Variants in CLSTN2 observed in about 807,000 individuals in gnomAD.
The protein encoded by CLSTN2 is calsyntenin-2.
In CLSTN2, 48 loss-of-function variants were observed where a neutral mutation model predicts 101.2. The observed-to-expected ratio is 0.47, with a 90% CI of 0.38 to 0.60. The LOEUF (loss-of-function observed/expected upper bound fraction) is 0.60. CLSTN2 is among the 20% of genes least tolerant of loss of function. CLSTN2 has a pLI of 0.00. For synonymous variants in CLSTN2, 481 were observed against 463.6 expected (o/e 1.04, Z -0.48); for missense variants, 1,160 against 1,238.2 (o/e 0.94, Z 0.95).
chr3:139,963,376 C>G (rs539640533), intron 1 of CLSTN2, among the ~76,000 whole-genome samples: 4 of 152,198 alleles, frequency 2.6e-5, no homozygotes, highest in African/African-American at 9.6e-5. Flanking sequence ...ATGATCTAGT[C>G]CTACTTTTCC....
At chr3:140,374,622 A>C (rs2087895443) in intron 2 of CLSTN2, among the ~76,000 whole-genome samples, 1 of 152,244 alleles carries the variant, frequency 6.6e-6, no homozygotes. Context: ...ATAAATTTGA[A>C]ATTTTAATTT....
chr3:140,000,536 G>A (rs1375599900), intron 1 of CLSTN2, among the ~76,000 whole-genome samples: 1 of 152,082 alleles, frequency 6.6e-6, no homozygotes, highest in Admixed American at 6.5e-5. Context: ...CATAAAACAG[G>A]GGTTACCCAA....
intron 2 of CLSTN2, among the ~76,000 whole-genome samples, chr3:140,203,210 G>A (rs1253951114): frequency 6.6e-6 from 1 of 152,180 alleles, no homozygotes; most frequent in Non-Finnish European, 1.5e-5. Context: ...CTGCTGCTAA[G>A]TCAAGTAAGA....
intron 2 of CLSTN2, among the ~76,000 whole-genome samples, chr3:140,273,231 G>A (rs754173132): frequency 5.3e-5 from 8 of 152,092 alleles, no homozygotes; most frequent in Non-Finnish European, 1.0e-4. Context: ...GGCAAGGGCA[G>A]GGAGAGCATT....
chr3:140,098,903 C>G (rs769738368), intron 1 of CLSTN2, among the ~76,000 whole-genome samples: 2 of 152,182 alleles, frequency 1.3e-5, no homozygotes, highest in Non-Finnish European at 2.9e-5. Flanking sequence ...AGTGGAGACA[C>G]TGTCCAGGCC....
At chr3:140,555,597 AT>A (rs1231432445) in intron 10 of CLSTN2, among the ~76,000 whole-genome samples, 1 of 152,226 alleles carries the variant, frequency 6.6e-6, no homozygotes, top group Non-Finnish European at 1.5e-5. Flanking sequence ...CTTAAAAAAA[AT>A]CTATGTCTCC....
chr3:140,404,746 CT>C lies in CLSTN2; in HGVS notation c.621del (p.Phe207LeufsTer15). The C allele has an allele frequency of 6.2e-7, 1 of 1,614,184 alleles. No individual in the cohort carries two copies. The highest frequency in any genetic ancestry group is 8.5e-7 in the Non-Finnish European group (1 of 1,180,012). On this transcript the variant is annotated frameshift_variant, in exon 4 of 17. Coordinates refer to ENST00000458420, the MANE Select transcript of CLSTN2 (RefSeq NM_022131.3). LOFTEE classifies it high-confidence loss of function. ...TATGAAATCGTCACCACAGATGTGC[CT>C]TTTGCCATCGACAGAAATGGTGAGT... ...CNYEIVTTDV[P>X]FAIDRNGNIR...
chr3:140,020,937 T>G (rs9844385), intron 1 of CLSTN2, among the ~76,000 whole-genome samples: 76,750 of 152,030 alleles, frequency 0.5, 20,860 homozygotes, highest in South Asian at 0.72. Context: ...TGGATGCCGA[T>G]CTCTGCTGTG....
At chr3:140,445,522 C>T (rs1213873323) in intron 5 of CLSTN2, among the ~76,000 whole-genome samples, 1 of 152,138 alleles carries the variant, frequency 6.6e-6, no homozygotes, top group African/African-American at 2.4e-5. Flanking sequence ...GCACACCAAG[C>T]TCCCACTCCC....
rs1368028183 is a variant in CLSTN2, at chr3:140,569,720, C to A, written c.*3467C>A. ...AGCCAGAGTCTTGCTGCTCTGTCAC[C>A]CAGGCTGGAGTGCAGTGGCACAATC... On this transcript the variant is annotated 3_prime_UTR_variant, in exon 17 of 17. Transcript: ENST00000458420. The A allele has an allele frequency of 3.3e-5, 5 of 152,142 alleles. No homozygotes were observed. Among genetic ancestry groups the A allele is most frequent in the African/African-American group, 1.2e-4 (5 of 41,406 alleles). The allele number at this position is 152,142 out of a possible 1,614,324, so 9.4% of individuals were successfully genotyped here.
chr3:140,523,940 G>A (rs1935086296), intron 8 of CLSTN2, among the ~76,000 whole-genome samples: 1 of 152,174 alleles, frequency 6.6e-6, no homozygotes, highest in Non-Finnish European at 1.5e-5. Flanking sequence ...TCTTGCAATA[G>A]CCTGTCTCAG....
intron 8 of CLSTN2, among the ~76,000 whole-genome samples, chr3:140,472,544 C>A (rs1300412436): frequency 6.6e-6 from 1 of 152,164 alleles, no homozygotes; most frequent in Non-Finnish European, 1.5e-5. Flanking sequence ...CACTCTAATC[C>A]TGCTGTTAAA....
chr3:140,258,801 C>T (rs1274603635), intron 2 of CLSTN2, among the ~76,000 whole-genome samples: 2 of 152,146 alleles, frequency 1.3e-5, no homozygotes, highest in East Asian at 1.9e-4. Flanking sequence ...AATTATCAGA[C>T]ACTTGCCATA....
At chr3:140,229,106 G>A (rs763163686) in intron 2 of CLSTN2, among the ~76,000 whole-genome samples, 1 of 152,136 alleles carries the variant, frequency 6.6e-6, no homozygotes, top group African/African-American at 2.4e-5. Context: ...TAGGCTGGGT[G>A]ACTTCTGTGG....
intron 1 of CLSTN2, among the ~76,000 whole-genome samples, chr3:139,957,471 T>G (rs1321426586): frequency 6.6e-6 from 1 of 151,934 alleles, no homozygotes; most frequent in Admixed American, 6.6e-5. Context: ...ATGCCTCAAA[T>G]AGAGTTTATG....
At chr3:140,539,473 T>C (rs1935425004) in intron 9 of CLSTN2, among the ~76,000 whole-genome samples, 1 of 152,226 alleles carries the variant, frequency 6.6e-6, no homozygotes, top group Admixed American at 6.5e-5. Context: ...ATTTTAACTT[T>C]GTATCAATTT....
chr3:140,270,127 G>A (rs1178824296), intron 2 of CLSTN2, among the ~76,000 whole-genome samples: 1 of 152,202 alleles, frequency 6.6e-6, no homozygotes, highest in African/African-American at 2.4e-5. Context: ...AAATTTCCTA[G>A]TGAATGAGGA....
At chr3:140,172,866 A>G (rs372319305) in intron 1 of CLSTN2, among the ~76,000 whole-genome samples, 10 of 152,310 alleles carry the variant, frequency 6.6e-5, no homozygotes, top group South Asian at 2.1e-4. Context: ...CCATGATTCA[A>G]TTATCTCCCA....
At chr3:140,074,431 G>A (rs551937813) in intron 1 of CLSTN2, among the ~76,000 whole-genome samples, 100 of 152,242 alleles carry the variant, frequency 6.6e-4, no homozygotes, top group Non-Finnish European at 1.3e-3. Context: ...TAGCCCAAAG[G>A]AGGTGCTTAA....
Sources: gnomAD v4.1 joint callset for allele counts (sites outside exome capture counted in the v4.1 genomes callset) on GRCh38, gnomAD v4.1.1 for gene constraint, MANE v1.5 for transcripts, NCBI Gene and HGNC (gene_info 2026-07-23, HGNC 2026-07-21) for gene names.